TFRC: variants seen among roughly 807,000 people sequenced by gnomAD.
TFRC encodes transferrin receptor protein 1.
Under a neutral mutation model 85.8 loss-of-function variants are expected in TFRC, and 35 were observed. The ratio of observed to expected loss-of-function variants is 0.41; its 90% CI spans 0.31 to 0.54. The LOEUF is 0.54. TFRC is among the 20% of genes least tolerant of loss of function. The pLI, the probability that TFRC is intolerant of heterozygous loss-of-function variation, is 0.31. For synonymous variants in TFRC, 362 were observed against 328.6 expected (o/e 1.10, Z -1.10); for missense variants, 828 against 921.5 (o/e 0.90, Z 1.31).
intron 16 of TFRC, among the ~76,000 whole-genome samples, chr3:196,056,733 T>C (rs180740620): frequency 1.9e-4 from 29 of 152,316 alleles, no homozygotes; most frequent in Admixed American, 1.7e-3. Flanking sequence ...AAAGAAGTTT[T>C]AGCAATAAAC....
Position 196,051,859 on chromosome 3 carries a change from C to T in TFRC, c.*83G>A. On this transcript the variant is annotated 3_prime_UTR_variant, in exon 19 of 19. Coordinates refer to ENST00000360110, the MANE Select transcript of TFRC (RefSeq NM_001128148.3). ...GGAATTTTAACATCAGGTTTTGTAG[C>T]CCTACTGAAAATTTAGCACGATCAG... 6.6e-7 allele frequency: 1 copy of T among 1,503,784 alleles called. No homozygotes were observed. The highest frequency in any genetic ancestry group is 9.0e-7 in the Non-Finnish European group (1 of 1,111,382). The allele number at this position is 1,503,784 out of a possible 1,614,324, so 93.2% of individuals were successfully genotyped here. A position where few individuals can be genotyped will look rare whatever the true frequency, so the allele number is the denominator to read the frequency against.
chr3:196,063,095 A>G, intron 11 of TFRC, 156 bp from the exon 12 acceptor site: 1 of 596,124 alleles, frequency 1.7e-6, no homozygotes, highest in African/African-American at 1.9e-5. Flanking sequence ...AAAACTAACA[A>G]AATCTTTTTT....
chr3:196,058,193 G>A, intron 16 of TFRC, 91 bp downstream of exon 16: 2 of 1,001,122 alleles, frequency 2.0e-6, no homozygotes, highest in Non-Finnish European at 3.1e-6. Flanking sequence ...CTATAGCACA[G>A]GCATTCCCAT....
At chr3:196,071,938 G>T in intron 5 of TFRC, 65 bp downstream of exon 5, 1 of 1,545,362 alleles carries the variant, frequency 6.5e-7, no homozygotes. Context: ...AAAAGTCTTT[G>T]CTATATTTAG....
chr3:196,049,471 C>T lies in TFRC; in HGVS notation c.*2471G>A. The T allele has an allele frequency of 4.6e-6, 1 of 217,576 alleles. No homozygotes were observed. The highest frequency in any genetic ancestry group is 9.2e-6 in the Non-Finnish European group (1 of 108,250). 13.5% of individuals were successfully genotyped at this position (217,576 alleles called of 1,614,324 possible). ...ATAGTGAATCATGACAGAACTCATT[C>T]ATTTTATCCTTTACCTCCAAAAGGC... is the stretch of plus-strand genomic sequence containing the variant. On this transcript the variant is annotated 3_prime_UTR_variant, in exon 19 of 19. Coordinates refer to ENST00000360110, the MANE Select transcript of TFRC (RefSeq NM_001128148.3).
Position 196,058,609 on chromosome 3 carries a change from T to A in TFRC, c.1560A>T (p.Gln520His). The A allele has an allele frequency of 6.2e-7, 1 of 1,611,442 alleles. No individual in the cohort carries two copies. Among genetic ancestry groups the A allele is most frequent in the Non-Finnish European group, 8.5e-7 (1 of 1,179,168 alleles). The change falls in exon 15 of 19, where the codon CAA becomes CAT. Residue 520 changes from glutamine (Q) to histidine (H), a missense_variant. Coordinates refer to ENST00000360110, the MANE Select transcript of TFRC (RefSeq NM_001128148.3). ...CCCAGTTGCTGTCCTGATATAGAAA[T>A]TGCCCAGTAACCGGATGCTTCACCT... Reference protein sequence around the residue: ...MQNVKHPVTGQFLYQDSNWAS... With the variant: ...MQNVKHPVTGHFLYQDSNWAS...
chr3:196,052,016 G>C lies in TFRC; in HGVS notation c.2209C>G (p.Leu737Val). The change falls in exon 19 of 19, where the codon CTA (leucine) becomes GTA (valine). Residue 737 changes from leucine to valine, a missense_variant. Coordinates refer to ENST00000360110, the MANE Select transcript of TFRC (RefSeq NM_001128148.3). ...NETLFRNQLA[L>V]ATWTIQGAAN... is the part of the protein sequence containing the mutation. Reference sequence around the variant, plus strand: ...GCTCCCTGAATAGTCCAAGTAGCTAGAGCCAACTGGTTTCTGAACAGCGTT... The same window carrying C: ...GCTCCCTGAATAGTCCAAGTAGCTACAGCCAACTGGTTTCTGAACAGCGTT... The C allele has an allele frequency of 4.3e-6, 7 of 1,614,192 alleles. No individual in the cohort carries two copies. The highest frequency in any genetic ancestry group is 4.2e-6 in the Non-Finnish European group (5 of 1,180,042).
intron 8 of TFRC, 124 bp from the exon 9 acceptor site, chr3:196,067,781 A>C: frequency 1.8e-6 from 2 of 1,131,230 alleles, no homozygotes; most frequent in Non-Finnish European, 2.5e-6. Context: ...CAAAAATCTG[A>C]GTGGCTCTAC....
intron 15 of TFRC, 71 bp downstream of exon 15, chr3:196,058,503 G>T (rs1191748309): frequency 9.3e-6 from 14 of 1,513,118 alleles, no homozygotes; most frequent in Middle Eastern, 1.7e-4. Flanking sequence ...GACAGATTTA[G>T]ATTCTACCTA....
chr3:196,065,246 G>A (rs949985680), intron 10 of TFRC, among the ~76,000 whole-genome samples, 197 bp downstream of exon 10: 2 of 139,634 alleles, frequency 1.4e-5, no homozygotes, highest in Admixed American at 1.5e-4. Flanking sequence ...TGGGCAACAA[G>A]AGTGAAACTC....
At chr3:196,080,648 GA>G (rs1719092102) in intron 1 of TFRC, among the ~76,000 whole-genome samples, 1 of 152,246 alleles carries the variant, frequency 6.6e-6, no homozygotes, top group Non-Finnish European at 1.5e-5. Flanking sequence ...CCTTAGGGCG[GA>G]GTTAGCCAAA....
chr3:196,053,278 A>C, intron 18 of TFRC, 140 bp downstream of exon 18: 1 of 935,818 alleles, frequency 1.1e-6, no homozygotes, highest in Admixed American at 2.6e-5. Flanking sequence ...CAGCAGAAAC[A>C]GAAAATGACA....
Position 196,068,142 on chromosome 3 carries a change from CAT to C in TFRC, c.802-14_802-13del, listed in dbSNP as rs1717887185. ...TCAGCATTTGCAACCTAAAAGAAAACATATAAAGCTCAGAAAATGAAGATCTG... is the reference window on the plus strand; with the variant it reads ...TCAGCATTTGCAACCTAAAAGAAAACATAAAGCTCAGAAAATGAAGATCTG... On this transcript the variant is annotated splice_polypyrimidine_tract_variant and intron_variant, in intron 7 of 18. Transcript: ENST00000360110. 1 of 1,594,004 alleles carries C rather than the reference CAT, an allele frequency of 6.3e-7. No individual in the cohort carries two copies.
intron 10 of TFRC, among the ~76,000 whole-genome samples, chr3:196,064,765 C>G (rs970514278): frequency 6.6e-6 from 1 of 152,218 alleles, no homozygotes; most frequent in Admixed American, 6.5e-5. Context: ...ATTCACTACG[C>G]ACAGTCTGTG....
chr3:196,060,666 CG>C (rs1717199227), intron 13 of TFRC: 1 of 159,784 alleles, frequency 6.3e-6, no homozygotes, highest in Non-Finnish European at 1.4e-5. Context: ...GGTGTGGTGG[CG>C]GGCACCTGTA....
At chr3:196,074,677 G>C (rs41301347) in intron 3 of TFRC, among the ~76,000 whole-genome samples, 3 of 152,116 alleles carry the variant, frequency 2.0e-5, no homozygotes, top group Admixed American at 6.6e-5. Context: ...TCAGGAGTTA[G>C]AGACCAGCCT....
intron 4 of TFRC, among the ~76,000 whole-genome samples, chr3:196,072,463 GATAGTAATACTGTGCTGAACAGAGTGC>G (rs1272520846): frequency 6.6e-6 from 1 of 152,142 alleles, no homozygotes. Flanking sequence ...TAAAATCTAA[GATAGTAATACTGTGCTGAACAGAGTGC>G]ATAGTTTCAA....
chr3:196,070,468 G>A (rs1718096736), intron 6 of TFRC, among the ~76,000 whole-genome samples: 1 of 151,988 alleles, frequency 6.6e-6, no homozygotes, highest in South Asian at 2.1e-4. Context: ...ATGTTGGCCA[G>A]GCTGGTAGCT....
chr3:196,073,450 G>C (rs1203860482), intron 4 of TFRC, among the ~76,000 whole-genome samples: 1 of 152,038 alleles, frequency 6.6e-6, no homozygotes, highest in Non-Finnish European at 1.5e-5. Flanking sequence ...GATACTGACT[G>C]GCCTAGGGGT....
Sources: allele counts gnomAD v4.1 joint callset (sites outside exome capture counted in the v4.1 genomes callset), GRCh38; gene constraint gnomAD v4.1.1; transcripts MANE v1.5; gene names NCBI Gene and HGNC (gene_info 2026-07-23, HGNC 2026-07-21).